The following ADCK1 variants were observed in gnomAD, a reference collection of about 807,000 sequenced individuals.
ADCK1 encodes aarF domain containing kinase 1, also known as aarF domain-containing protein kinase 1.
In ADCK1, 41 loss-of-function variants were observed where a neutral mutation model predicts 52.3. The ratio of observed to expected loss-of-function variants is 0.78; its 90% CI spans 0.61 to 1.02. The LOEUF is 1.02. Ranked by LOEUF, ADCK1 falls within the 50% of genes least tolerant of loss-of-function variation. The pLI, the probability that ADCK1 is intolerant of heterozygous loss-of-function variation, is 0.00. For synonymous variants in ADCK1, 250 were observed against 274.6 expected (o/e 0.91, Z 0.89); for missense variants, 658 against 679.5 (o/e 0.97, Z 0.35).
chr14:77,875,100 A>C (rs2082869577), intron 4 of ADCK1, among the ~76,000 whole-genome samples: 1 of 152,164 alleles, frequency 6.6e-6, no homozygotes, highest in Admixed American at 6.5e-5. Flanking sequence ...AGTAGAACTC[A>C]CTGGAAGACC....
At chr14:77,900,249 G>A (rs766984852) in intron 6 of ADCK1, among the ~76,000 whole-genome samples, 1 of 152,104 alleles carries the variant, frequency 6.6e-6, no homozygotes, top group Non-Finnish European at 1.5e-5. Flanking sequence ...CATCAGAAGG[G>A]TTGCTGCTTG....
At chr14:77,834,951 A>G (rs1175576478) in intron 3 of ADCK1, among the ~76,000 whole-genome samples, 1 of 152,170 alleles carries the variant, frequency 6.6e-6, no homozygotes, top group Non-Finnish European at 1.5e-5. Flanking sequence ...AGACCAACCC[A>G]GGCTGGGCTT....
chr14:77,900,070 C>CAAAAA (rs751907850), intron 6 of ADCK1, among the ~76,000 whole-genome samples: 6 of 67,082 alleles, frequency 8.9e-5, no homozygotes, highest in East Asian at 5.3e-4. Context: ...AACTCCGTCT[C>CAAAAA]AAAAAAAAAA....
At chr14:77,860,802 A>G (rs1005493596) in intron 4 of ADCK1, among the ~76,000 whole-genome samples, 1 of 152,208 alleles carries the variant, frequency 6.6e-6, no homozygotes, top group African/African-American at 2.4e-5. Context: ...TTCACCCCCA[A>G]ATTAAAACTA....
intron 6 of ADCK1, among the ~76,000 whole-genome samples, chr14:77,903,365 C>T (rs1360930933): frequency 6.6e-6 from 1 of 152,246 alleles, no homozygotes; most frequent in East Asian, 1.9e-4. Context: ...ATAATTAAGC[C>T]TCCGCAAAGA....
intron 4 of ADCK1, among the ~76,000 whole-genome samples, chr14:77,872,375 C>T (rs905526257): frequency 1.3e-5 from 2 of 152,178 alleles, no homozygotes; most frequent in African/African-American, 2.4e-5. Flanking sequence ...GATCTGTCTG[C>T]GAGGTTGGGC....
chr14:77,860,600 C>T (rs2082523899), intron 4 of ADCK1, among the ~76,000 whole-genome samples: 1 of 152,126 alleles, frequency 6.6e-6, no homozygotes, highest in Non-Finnish European at 1.5e-5. Flanking sequence ...ACATGTCCTC[C>T]AAAGGGAGAG....
At position 77,814,895 on chromosome 14, in the gene ADCK1, A is replaced by T. The variant is rs866462703; in HGVS notation, c.-11-4073A>T. ...ATTTTACTAAAAAAATTAAAAAAAA[A>T]TTTTTTTTTTTTTGAGAAGGAGTCT... is the stretch of plus-strand genomic sequence containing the variant. On this transcript the variant is annotated intron_variant, in intron 1 of 10. Coordinates refer to ENST00000238561, the MANE Select transcript of ADCK1 (RefSeq NM_020421.4). Among the ~76,000 whole-genome samples the T allele has an allele frequency of 5.2e-4, 76 of 145,068 alleles. No homozygotes were observed. The Middle Eastern group carries it at 0.025, about 48-fold the overall frequency.
At chr14:77,831,900 G>C (rs1389725538) in intron 3 of ADCK1, among the ~76,000 whole-genome samples, 2 of 152,154 alleles carry the variant, frequency 1.3e-5, no homozygotes, top group Non-Finnish European at 2.9e-5. Context: ...CTGCACTTGA[G>C]AAAGACATCT....
chr14:77,854,500 G>A (rs972117870), intron 3 of ADCK1, among the ~76,000 whole-genome samples: 8 of 151,582 alleles, frequency 5.3e-5, no homozygotes, highest in Admixed American at 2.0e-4. Flanking sequence ...TGGAGGGACC[G>A]CTCCTCCCAG....
rs112951953 is a variant in ADCK1, at chr14:77,841,697, T to A, written c.220-17379T>A. Reference sequence around the variant, plus strand: ...TACAAAAAAAAAAAAAAAAAAAAAATTAGCCAGGCGTGGGTGTGTGCCTGT... The same window carrying A: ...TACAAAAAAAAAAAAAAAAAAAAAAATAGCCAGGCGTGGGTGTGTGCCTGT... On this transcript the variant is annotated intron_variant, in intron 3 of 10. Coordinates refer to ENST00000238561, the MANE Select transcript of ADCK1 (RefSeq NM_020421.4). Among the ~76,000 whole-genome samples, 6 of 86,404 alleles carry A rather than the reference T, an allele frequency of 6.9e-5. 1 individual carries two copies. Among genetic ancestry groups the A allele is most frequent in the African/African-American group, 2.1e-4 (3 of 14,474 alleles). The allele number at this position is 86,404 out of a possible 152,430, so 56.7% of individuals were successfully genotyped here.
In ADCK1 at chr14:77,931,506, T is replaced by G. The variant is rs2084333822; in HGVS notation, c.1207-12T>G. 1 of 1,610,008 alleles carries G rather than the reference T, an allele frequency of 6.2e-7. No homozygotes were observed. The highest frequency in any genetic ancestry group is 8.5e-7 in the Non-Finnish European group (1 of 1,176,882). On this transcript the variant is annotated splice_polypyrimidine_tract_variant and intron_variant, in intron 9 of 10. Transcript: ENST00000238561. ...CCAACCATCTGTTTCTGTTGCCCCA[T>G]TGCTGCTTCAGGACTTAGAGATTCG...
intron 1 of ADCK1, among the ~76,000 whole-genome samples, chr14:77,807,090 A>T: frequency 1.6e-5 from 1 of 61,548 alleles, no homozygotes. Context: ...TTTTTTTGAG[A>T]CGGAGTCTCG....
intron 3 of ADCK1, among the ~76,000 whole-genome samples, chr14:77,838,219 G>T (rs1334740287): frequency 6.6e-6 from 1 of 152,062 alleles, no homozygotes; most frequent in African/African-American, 2.4e-5. Flanking sequence ...ACTTTTCCCT[G>T]TAGAACCGTG....
rs148190819 is a variant in ADCK1, at chr14:77,832,082, A to G, written c.219+9564A>G. 7.6e-3 allele frequency among the ~76,000 whole-genome samples: 1,155 copies of G among 152,134 alleles called. 17 individuals carry two copies. Among genetic ancestry groups the G allele is most frequent in the African/African-American group, 0.027 (1,110 of 41,520 alleles). Reference sequence around the variant, plus strand: ...AGCCTCTACCTTCCGGGTTCAAGCAATTCTTCTGCCTCAGCTTCCTGAGTA... The same window carrying G: ...AGCCTCTACCTTCCGGGTTCAAGCAGTTCTTCTGCCTCAGCTTCCTGAGTA... On this transcript the variant is annotated intron_variant, in intron 3 of 10. Transcript: ENST00000238561.
intron 3 of ADCK1, among the ~76,000 whole-genome samples, chr14:77,848,970 C>T (rs1215189173): frequency 7.2e-5 from 11 of 152,092 alleles, no homozygotes; most frequent in African/African-American, 2.4e-4. Context: ...GGACTACAGG[C>T]GCCCGCTACC....
chr14:77,874,853 A>G (rs868283471), intron 4 of ADCK1, among the ~76,000 whole-genome samples: 4 of 152,238 alleles, frequency 2.6e-5, no homozygotes, highest in Middle Eastern at 6.8e-3. Flanking sequence ...TCCTCTTGGC[A>G]TTTGAGTGAC....
intron 6 of ADCK1, among the ~76,000 whole-genome samples, 156 bp from the exon 7 acceptor site, chr14:77,907,647 T>A (rs1275200912): frequency 2.0e-5 from 3 of 152,208 alleles, no homozygotes; most frequent in African/African-American, 2.4e-5. Context: ...GGCCTGGCTG[T>A]CCCATCCCCA....
chr14:77,827,029 C>T (rs2081724702), intron 3 of ADCK1, among the ~76,000 whole-genome samples: 1 of 152,034 alleles, frequency 6.6e-6, no homozygotes, highest in South Asian at 2.1e-4. Context: ...AGGGGAAAGC[C>T]TGTCTGTGAA....
Sources: allele counts gnomAD v4.1 joint callset (sites outside exome capture counted in the v4.1 genomes callset), GRCh38; gene constraint gnomAD v4.1.1; transcripts MANE v1.5; gene names NCBI Gene and HGNC (gene_info 2026-07-23, HGNC 2026-07-21).